ANKRD17: variants seen among roughly 807,000 people sequenced by gnomAD.
ANKRD17 encodes the protein ankyrin repeat domain-containing protein 17.
Under a neutral mutation model 229.7 loss-of-function variants are expected in ANKRD17, and 19 were observed. That is an observed-to-expected ratio of 0.08 (90% CI 0.06 to 0.12). The LOEUF (loss-of-function observed/expected upper bound fraction) is 0.12, where lower values mean the gene tolerates loss of function less well. ANKRD17 is among the 10% of genes least tolerant of loss of function. The pLI, the probability that ANKRD17 is intolerant of heterozygous loss-of-function variation, is 1.00. For missense variants in ANKRD17, 2,176 were observed against 3,176.8 expected, an observed-to-expected ratio of 0.68 and a Z score of 7.57; for synonymous variants, 1,112 against 1,146.1, an observed-to-expected ratio of 0.97 and a Z score of 0.60.
chr4:73,087,454 T>C (rs1022642541), intron 29 of ANKRD17, among the ~76,000 whole-genome samples: 3 of 152,178 alleles, frequency 2.0e-5, no homozygotes, highest in African/African-American at 7.2e-5. Flanking sequence ...CCTGAAATAT[T>C]TGATCTGAAT....
intron 18 of ANKRD17, among the ~76,000 whole-genome samples, chr4:73,124,220 T>C (rs1302374752): frequency 7.1e-6 from 1 of 141,712 alleles, no homozygotes; most frequent in Non-Finnish European, 1.5e-5. Context: ...CAATAATTCC[T>C]TGATAGAGAA....
At chr4:73,224,692 C>A (rs1308120517) in intron 1 of ANKRD17, among the ~76,000 whole-genome samples, 1 of 152,102 alleles carries the variant, frequency 6.6e-6, no homozygotes, top group East Asian at 1.9e-4. Flanking sequence ...TTAATTTTCA[C>A]AGTAATCCTA....
chr4:73,156,307 G>T, intron 3 of ANKRD17, 141 bp from the exon 4 acceptor site: 2 of 1,005,380 alleles, frequency 2.0e-6, no homozygotes, highest in Non-Finnish European at 2.8e-6. Context: ...GTACAGTGAT[G>T]CAATCAGCTC....
chr4:73,222,567 A>C (rs989422033), intron 1 of ANKRD17, among the ~76,000 whole-genome samples: 3 of 152,322 alleles, frequency 2.0e-5, no homozygotes, highest in African/African-American at 7.2e-5. Context: ...TTTAATAGTT[A>C]ACTGCAGCAA....
At chr4:73,122,778 G>GAC (rs1726922374) in intron 18 of ANKRD17, among the ~76,000 whole-genome samples, 1 of 152,068 alleles carries the variant, frequency 6.6e-6, no homozygotes, top group East Asian at 1.9e-4. Context: ...CAGAGCGAGT[G>GAC]ACAAGGTTAT....
intron 2 of ANKRD17, among the ~76,000 whole-genome samples, chr4:73,165,868 T>C (rs1272321323): frequency 6.6e-6 from 1 of 152,134 alleles, no homozygotes. Flanking sequence ...AAAATCAGGA[T>C]CTTGGTTCTA....
intron 1 of ANKRD17, among the ~76,000 whole-genome samples, chr4:73,214,714 C>A (rs560773775): frequency 6.6e-6 from 1 of 151,624 alleles, no homozygotes; most frequent in African/African-American, 2.4e-5. Flanking sequence ...TAAACATTTT[C>A]AATCTTAGGC....
Position 73,091,430 on chromosome 4 carries a change from T to C in ANKRD17, c.6198A>G (p.Ala2066=), listed in dbSNP as rs368038097. ...SRNSPLDCGS[A]SPNKVASSSE... is the part of the protein sequence containing the mutation. ...AGGAAGATGCCACTTTATTTGGAGA[T>C]GCTGATCCACAATCCAAAGGGCTGT... is the stretch of plus-strand genomic sequence containing the variant. The change falls in exon 29 of 34, where the codon GCA becomes GCG. Residue 2066 remains alanine (A), a synonymous_variant. Transcript: ENST00000358602. 5.0e-6 allele frequency: 8 copies of C among 1,614,048 alleles called. No homozygotes were observed. In the South Asian group the frequency reaches 6.6e-5, roughly 13 times the overall value.
intron 30 of ANKRD17, among the ~76,000 whole-genome samples, chr4:73,084,353 A>G (rs1721889446): frequency 6.6e-6 from 1 of 152,202 alleles, no homozygotes; most frequent in Non-Finnish European, 1.5e-5. Context: ...AATAAAAAAA[A>G]GAAAGAAAGA....
intron 1 of ANKRD17, among the ~76,000 whole-genome samples, chr4:73,224,726 T>A (rs141722459): frequency 4.3e-4 from 66 of 152,280 alleles, no homozygotes; most frequent in South Asian, 1.2e-3. Context: ...TTATCCCCAT[T>A]TTACGTATGT....
intron 25 of ANKRD17, chr4:73,099,196 G>T: frequency 1.6e-6 from 1 of 642,004 alleles, no homozygotes; most frequent in South Asian, 1.5e-5. Flanking sequence ...TTCTGGGACT[G>T]GACAGCTTTT....
At chr4:73,188,395 G>A (rs1241395089) in intron 1 of ANKRD17, among the ~76,000 whole-genome samples, 1 of 151,970 alleles carries the variant, frequency 6.6e-6, no homozygotes, top group Admixed American at 6.6e-5. Flanking sequence ...GACCAGCCTG[G>A]CCAATATGGT....
At chr4:73,086,952 A>ATC (rs1553911046) in intron 29 of ANKRD17, among the ~76,000 whole-genome samples, 16 of 96,766 alleles carry the variant, frequency 1.7e-4, no homozygotes, top group Admixed American at 5.8e-4. Context: ...ATATATATAT[A>ATC]TCTGTAGGAT....
In ANKRD17 at chr4:73,125,215, T is replaced by G. The variant is rs773856054; in HGVS notation, c.3332A>C (p.His1111Pro). 1 of 1,604,800 alleles carries G rather than the reference T, an allele frequency of 6.2e-7. No homozygotes were observed. Among genetic ancestry groups the G allele is most frequent in the Non-Finnish European group, 8.5e-7 (1 of 1,177,706 alleles). The change falls in exon 17 of 34, where the codon CAC (histidine) becomes CCC (proline). Residue 1111 changes from histidine (H) to proline (P), a missense_variant. Physicochemically the swap from His to Pro is moderately conservative, Grantham distance 77. Coordinates refer to ENST00000358602, the MANE Select transcript of ANKRD17 (RefSeq NM_032217.5). Reference sequence around the variant, plus strand: ...GTAGGCCCTACCTTTCTTGTCTCGGTGCTCTATACTAGCTCCTCTCTCTAG... The same window carrying G: ...GTAGGCCCTACCTTTCTTGTCTCGGGGCTCTATACTAGCTCCTCTCTCTAG... The part of the protein sequence containing the change: ...TLLERGASIE[H>P]RDKKGFTPLI...
chr4:73,084,147 C>T (rs950201177), intron 30 of ANKRD17, among the ~76,000 whole-genome samples: 1 of 151,992 alleles, frequency 6.6e-6, no homozygotes, highest in Non-Finnish European at 1.5e-5. Context: ...TTTGGGAAGC[C>T]GAGGTGGGCA....
chr4:73,109,930 A>G (rs1725097801), intron 24 of ANKRD17, among the ~76,000 whole-genome samples: 1 of 150,218 alleles, frequency 6.7e-6, no homozygotes, highest in Non-Finnish European at 1.5e-5. Context: ...AGCAATAATC[A>G]GAGAATGAAA....
chr4:73,221,492 T>C lies in ANKRD17; in HGVS notation c.393+36784A>G, dbSNP rs375589797. ...ATTGTCAAATAGATTTATCAAAATC[T>C]CCAAAGCACACTTCTTTAAAATCCA... On this transcript the variant is annotated intron_variant, in intron 1 of 33. Coordinates refer to ENST00000358602, the MANE Select transcript of ANKRD17 (RefSeq NM_032217.5). Among the ~76,000 whole-genome samples, 68 of 152,254 alleles carry C rather than the reference T, an allele frequency of 4.5e-4. 1 individual carries two copies. The South Asian group carries it at 0.014, about 31-fold the overall frequency.
At chr4:73,183,648 T>C (rs1442310009) in intron 1 of ANKRD17, among the ~76,000 whole-genome samples, 1 of 152,122 alleles carries the variant, frequency 6.6e-6, no homozygotes, top group Admixed American at 6.5e-5. Context: ...TAGATTTTTG[T>C]GTATTTTGGT....
chr4:73,230,277 T>C (rs542870036), intron 1 of ANKRD17, among the ~76,000 whole-genome samples: 181 of 152,200 alleles, frequency 1.2e-3, no homozygotes, highest in Non-Finnish European at 2.0e-3. Context: ...ATATAAGGAA[T>C]GGTAGGGAGG....
Sources: gnomAD v4.1 joint callset for allele counts (sites outside exome capture counted in the v4.1 genomes callset) on GRCh38, gnomAD v4.1.1 for gene constraint, MANE v1.5 for transcripts, NCBI Gene and HGNC (gene_info 2026-07-23, HGNC 2026-07-21) for gene names.